Variants in NALCN observed in about 807,000 individuals in gnomAD.
The protein encoded by NALCN is sodium leak channel, non-selective, also known as sodium leak channel NALCN.
Under a neutral mutation model 225.3 loss-of-function variants are expected in NALCN, and 111 were observed. The ratio of observed to expected loss-of-function variants is 0.49; its 90% confidence interval spans 0.42 to 0.58. The LOEUF is 0.58. NALCN is among the 20% of genes least tolerant of loss of function. The probability of loss-of-function intolerance (pLI) is 0.00; values close to 1 mark genes in which losing one functional copy is unlikely to be tolerated. For missense variants in NALCN, 1,378 were observed against 2,202.4 expected (o/e 0.63, Z 7.49); for synonymous variants, 764 against 769.0 (o/e 0.99, Z 0.11).
chr13:101,104,149 AT>A lies in NALCN; in HGVS notation c.2889+145del. ...TTACATGCATGGCCCTTATTTGCAT[AT>A]AATGAACTACTCTAGAGTCCATTTA... On this transcript the variant is annotated intron_variant, in intron 25 of 43. Transcript: ENST00000251127. The surrounding 1 kb of genome is among the most constrained non-coding windows in gnomAD (Gnocchi z 4.2). The A allele has an allele frequency of 1.2e-6, 1 of 819,016 alleles. No individual in the cohort carries two copies. The highest frequency in any genetic ancestry group is 1.7e-5 in the African/African-American group (1 of 57,918). 50.7% of individuals were successfully genotyped at this position (819,016 alleles called of 1,614,324 possible).
rs1056608049 is a variant in NALCN, at chr13:101,156,580, A to G, written c.1840-11684T>C. On this transcript the variant is annotated intron_variant, in intron 15 of 43. Transcript: ENST00000251127. Reference sequence around the variant, plus strand: ...CTACCTACCTATCCTCTCTCTTAAAATAAGCTGAGTTCTTACTGATACTCC... The same window carrying G: ...CTACCTACCTATCCTCTCTCTTAAAGTAAGCTGAGTTCTTACTGATACTCC... 3.3e-5 allele frequency among the ~76,000 whole-genome samples: 5 copies of G among 152,124 alleles called. No homozygotes were observed. In the South Asian group the frequency reaches 1.0e-3, roughly 32 times the overall value.
At chr13:101,075,185 T>C (rs2033172120) in intron 35 of NALCN, among the ~76,000 whole-genome samples, 1 of 152,126 alleles carries the variant, frequency 6.6e-6, no homozygotes, top group African/African-American at 2.4e-5. Context: ...GGAAACAGCA[T>C]TGTAAAAAAT....
In NALCN at chr13:101,398,969, A is replaced by G. The variant is rs569657596; in HGVS notation, c.108+50T>C. 5.1e-6 allele frequency: 6 copies of G among 1,176,044 alleles called. No homozygotes were observed. The East Asian group carries it at 1.4e-4, about 28-fold the overall frequency. 72.9% of individuals were successfully genotyped at this position (1,176,044 alleles called of 1,614,324 possible). On this transcript the variant is annotated intron_variant, in intron 2 of 43. Transcript: ENST00000251127. ...CATGATATTTGAATTTGTCAATCACATTTATCTCACATCCACATATGCTTC... is the reference window on the plus strand; with the variant it reads ...CATGATATTTGAATTTGTCAATCACGTTTATCTCACATCCACATATGCTTC...
intron 7 of NALCN, among the ~76,000 whole-genome samples, chr13:101,321,265 C>T (rs552237165): frequency 6.6e-6 from 1 of 152,014 alleles, no homozygotes; most frequent in African/African-American, 2.4e-5. Context: ...GACACACACA[C>T]AAGTCCAGAA....
chr13:101,377,810 T>C (rs572602377), intron 4 of NALCN, among the ~76,000 whole-genome samples: 8 of 152,266 alleles, frequency 5.3e-5, no homozygotes, highest in African/African-American at 1.7e-4. Flanking sequence ...TTAGGCATTC[T>C]TACCACAACC....
At chr13:101,379,919 G>A (rs2046801947) in intron 3 of NALCN, among the ~76,000 whole-genome samples, 1 of 151,912 alleles carries the variant, frequency 6.6e-6, no homozygotes, top group African/African-American at 2.4e-5. Flanking sequence ...TATAAAGCAA[G>A]TTCTTAGAGA....
chr13:101,107,596 C>A lies in NALCN; in HGVS notation c.2470G>T (p.Glu824Ter), dbSNP rs1337798493. ...QAEMKRKVQE[E>*]ELRENHPYFD... ...TATGGGTGGTTCTCTCTGAGTTCCT[C>A]TTCTTGCACTTTCCTTGAAGGAGAA... The change falls in exon 22 of 44, where the codon GAG becomes TAG. Residue 824 changes from glutamate (E) to a stop codon, truncating the protein, a stop_gained. Coordinates refer to ENST00000251127, the MANE Select transcript of NALCN (RefSeq NM_052867.4). LOFTEE classifies it high-confidence loss of function. 1 of 1,614,096 alleles carries A rather than the reference C, an allele frequency of 6.2e-7. No individual in the cohort carries two copies. Among genetic ancestry groups the A allele is most frequent in the South Asian group, 1.1e-5 (1 of 91,090 alleles).
chr13:101,118,291 A>G (rs951696253), intron 18 of NALCN, among the ~76,000 whole-genome samples: 7 of 152,186 alleles, frequency 4.6e-5, no homozygotes, highest in Admixed American at 1.3e-4. Context: ...GTAAAACTCA[A>G]TAGTAGCCCT....
At chr13:101,290,558 C>T (rs951200018) in intron 9 of NALCN, among the ~76,000 whole-genome samples, 1 of 152,172 alleles carries the variant, frequency 6.6e-6, no homozygotes, top group Non-Finnish European at 1.5e-5. Context: ...TTCAAAAAAC[C>T]TTTCATGGAA....
intron 15 of NALCN, among the ~76,000 whole-genome samples, chr13:101,153,945 G>GC (rs1178965660): frequency 6.6e-6 from 1 of 152,028 alleles, no homozygotes; most frequent in East Asian, 1.9e-4. Flanking sequence ...GTAGGTCTGT[G>GC]CCCCCCTCAC....
intron 1 of NALCN, among the ~76,000 whole-genome samples, chr13:101,407,538 T>C (rs745874411): frequency 2.6e-4 from 39 of 152,238 alleles, no homozygotes; most frequent in Non-Finnish European, 4.9e-4. Flanking sequence ...ACTCATTTTT[T>C]TAACTTGAAA....
chr13:101,307,220 T>A (rs1453912529), intron 7 of NALCN, among the ~76,000 whole-genome samples: 1 of 152,186 alleles, frequency 6.6e-6, no homozygotes, highest in African/African-American at 2.4e-5. Flanking sequence ...AGCAGAGCGA[T>A]GGTGGTCTGG....
chr13:101,068,798 T>C lies in NALCN; in HGVS notation c.4227A>G (p.Glu1409=), dbSNP rs1420939288. 3 of 1,611,648 alleles carry C rather than the reference T, an allele frequency of 1.9e-6. No homozygotes were observed. The highest frequency in any genetic ancestry group is 2.5e-6 in the Non-Finnish European group (3 of 1,179,118). ...CACAGTCTGTTGCCCAGTATGTAAATTCATCTGGAGTACAAAACGGAGGCT... is the reference window on the plus strand; with the variant it reads ...CACAGTCTGTTGCCCAGTATGTAAACTCATCTGGAGTACAAAACGGAGGCT... ...MVQPPFCTPD[E]FTYWATDCGN... Residue 1409 remains glutamate, a synonymous_variant, in exon 38 of 44, where the codon GAA becomes GAG. Coordinates refer to ENST00000251127, the MANE Select transcript of NALCN (RefSeq NM_052867.4).
intron 17 of NALCN, among the ~76,000 whole-genome samples, chr13:101,135,437 C>A (rs1427270558): frequency 6.6e-6 from 1 of 152,132 alleles, no homozygotes. Context: ...CTCGCTGTAT[C>A]GCCCAAGCTG....
chr13:101,343,083 T>G (rs929916858), intron 7 of NALCN, among the ~76,000 whole-genome samples: 1 of 152,148 alleles, frequency 6.6e-6, no homozygotes. Flanking sequence ...AATGCATGCA[T>G]GAAGAGATGA....
At chr13:101,347,705 A>C (rs1566602052) in intron 6 of NALCN, among the ~76,000 whole-genome samples, 1 of 152,170 alleles carries the variant, frequency 6.6e-6, no homozygotes, top group Non-Finnish European at 1.5e-5. Context: ...TGTGACTTAA[A>C]TAAGGCTCTA....
At chr13:101,412,562 T>C (rs2047821501) in intron 1 of NALCN, among the ~76,000 whole-genome samples, 2 of 152,216 alleles carry the variant, frequency 1.3e-5, no homozygotes, top group Admixed American at 6.5e-5. Flanking sequence ...AATTCTGTTT[T>C]ACAAAAGCCT....
At chr13:101,277,449 T>G (rs1019658395) in intron 10 of NALCN, among the ~76,000 whole-genome samples, 2 of 152,192 alleles carry the variant, frequency 1.3e-5, no homozygotes, top group Non-Finnish European at 2.9e-5. Flanking sequence ...TATATAATCT[T>G]TGTGATCTAA....
At chr13:101,341,134 T>G (rs1255236491) in intron 7 of NALCN, among the ~76,000 whole-genome samples, 1 of 152,220 alleles carries the variant, frequency 6.6e-6, no homozygotes, top group Admixed American at 6.5e-5. Flanking sequence ...TTTATAATAT[T>G]TACATTGTAT....
Sources: gnomAD v4.1 joint callset for allele counts (sites outside exome capture counted in the v4.1 genomes callset) on GRCh38, gnomAD v4.1.1 for gene constraint, Gnocchi (gnomAD v3.1) non-coding constraint, MANE v1.5 for transcripts, NCBI Gene and HGNC (gene_info 2026-07-23, HGNC 2026-07-21) for gene names.